TJP1: variants seen among roughly 807,000 people sequenced by gnomAD.
TJP1 encodes tight junction protein ZO-1.
In TJP1, 43 loss-of-function variants were observed where a neutral mutation model predicts 194.2. That is an observed-to-expected ratio of 0.22 (90% CI 0.17 to 0.29). The LOEUF (loss-of-function observed/expected upper bound fraction) is 0.29, where lower values mean the gene tolerates loss of function less well. Ranked by LOEUF, TJP1 falls within the 10% of genes least tolerant of loss-of-function variation. The pLI, the probability that TJP1 is intolerant of heterozygous loss-of-function variation, is 1.00. For missense variants in TJP1, 1,971 were observed against 2,185.7 expected (o/e 0.90, Z 1.96); for synonymous variants, 801 against 779.0 (o/e 1.03, Z -0.47).
At chr15:29,869,423 A>G (rs2152115317) in intron 2 of TJP1, among the ~76,000 whole-genome samples, 1 of 152,316 alleles carries the variant, frequency 6.6e-6, no homozygotes, top group East Asian at 1.9e-4. Flanking sequence ...TGTGTGTTAG[A>G]CGTGACATCT....
upstream of TJP1, among the ~76,000 whole-genome samples, chr15:29,826,052 A>G (rs530178573): frequency 6.6e-6 from 1 of 152,312 alleles, no homozygotes; most frequent in South Asian, 2.1e-4. Context: ...CTGTATATGT[A>G]AAGATAATTA....
intron 1 of TJP1, among the ~76,000 whole-genome samples, chr15:29,965,904 A>G (rs2152326933): frequency 6.6e-6 from 1 of 152,302 alleles, no homozygotes; most frequent in East Asian, 1.9e-4. Flanking sequence ...TTAAGAAATG[A>G]TTATCTAAGA....
intron 5 of TJP1, among the ~76,000 whole-genome samples, chr15:29,764,740 G>T (rs751028528): frequency 2.6e-5 from 4 of 152,150 alleles, no homozygotes; most frequent in Non-Finnish European, 5.9e-5. Flanking sequence ...GAAATACAAA[G>T]AAAAATTTTA....
At chr15:29,872,529 T>A (rs1403145711) in intron 2 of TJP1, among the ~76,000 whole-genome samples, 1 of 152,182 alleles carries the variant, frequency 6.6e-6, no homozygotes, top group Non-Finnish European at 1.5e-5. Context: ...ACATAACCTC[T>A]TTGAGACTTG....
At chr15:29,858,177 G>T (rs894502576) in intron 2 of TJP1, among the ~76,000 whole-genome samples, 1 of 152,248 alleles carries the variant, frequency 6.6e-6, no homozygotes, top group Non-Finnish European at 1.5e-5. Flanking sequence ...AAGGTGGATG[G>T]ATTCCTTGAG....
chr15:29,948,879 T>C (rs1425188836), intron 2 of TJP1, among the ~76,000 whole-genome samples: 1 of 151,756 alleles, frequency 6.6e-6, no homozygotes, highest in East Asian at 1.9e-4. Context: ...AGAAGAAGGC[T>C]CAATCACTCT....
chr15:29,720,645 G>A lies in TJP1; in HGVS notation c.2476C>T (p.Pro826Ser). The A allele has an allele frequency of 6.2e-7, 1 of 1,614,006 alleles. No homozygotes were observed. The highest frequency in any genetic ancestry group is 8.5e-7 in the Non-Finnish European group (1 of 1,179,954). ...HDDRLSYLSA[P>S]GSEYSMYSTD... Reference sequence around the variant, plus strand: ...CTATACATTGAGTATTCACTACCTGGAGCTGACAGGTAGGACAGACGATCA... The same window carrying A: ...CTATACATTGAGTATTCACTACCTGAAGCTGACAGGTAGGACAGACGATCA... Residue 826 changes from proline to serine, a missense_variant, in exon 19 of 28, where the codon CCA (proline) becomes TCA (serine). By Grantham distance (74) the Pro-to-Ser change is moderately conservative. Around this residue, in one of 5 missense-constraint regions of TJP1, gnomAD observed 402 missense variants for 484.2 expected, o/e 0.83. Coordinates refer to ENST00000614355, the MANE Select transcript of TJP1 (RefSeq NM_001330239.4).
chr15:29,730,801 C>A (rs1267734207), intron 15 of TJP1: 25 of 803,580 alleles, frequency 3.1e-5, no homozygotes, highest in Non-Finnish European at 4.9e-5. Context: ...AGGTTGTCTG[C>A]TAAACCTGCT....
chr15:29,812,404 T>G (rs1395719404), intron 1 of TJP1, among the ~76,000 whole-genome samples: 1 of 152,138 alleles, frequency 6.6e-6, no homozygotes, highest in Non-Finnish European at 1.5e-5. Context: ...TACATGAAAA[T>G]CCGGATTTGC....
Position 29,701,284 on chromosome 15 carries a change from G to A in TJP1, c.*311C>T. 3.7e-6 allele frequency: 1 copy of A among 266,690 alleles called. No homozygotes were observed. Among genetic ancestry groups the A allele is most frequent in the Non-Finnish European group, 7.2e-6 (1 of 139,390 alleles). 16.5% of individuals were successfully genotyped at this position (266,690 alleles called of 1,614,324 possible). A position where few individuals can be genotyped will look rare whatever the true frequency, so the allele number is the denominator to read the frequency against. ...TCAAATGCACCCCCATTTACTGGCT[G>A]GTATTTTAACGGAAATCAATATGTG... On this transcript the variant is annotated 3_prime_UTR_variant, in exon 28 of 28. Coordinates refer to ENST00000614355, the MANE Select transcript of TJP1 (RefSeq NM_001330239.4).
upstream of TJP1, chr15:29,823,012 G>T (rs2050525897): frequency 6.6e-6 from 1 of 152,316 alleles, no homozygotes; most frequent in South Asian, 2.1e-4. Context: ...CACCGGCGCC[G>T]ACTGCCAAGG....
chr15:29,858,428 G>A (rs2051944946), intron 2 of TJP1, among the ~76,000 whole-genome samples: 1 of 152,026 alleles, frequency 6.6e-6, no homozygotes, highest in Non-Finnish European at 1.5e-5. Context: ...ATATGGAAAC[G>A]CTGCAGGTAT....
chr15:29,877,637 C>A (rs1054181567), intron 2 of TJP1, among the ~76,000 whole-genome samples: 3 of 147,864 alleles, frequency 2.0e-5, no homozygotes, highest in Non-Finnish European at 4.5e-5. Flanking sequence ...CTTCTTTCTT[C>A]TTCTCTTTCT....
chr15:29,743,447 C>G (rs1195588352), intron 8 of TJP1, among the ~76,000 whole-genome samples: 1 of 152,120 alleles, frequency 6.6e-6, no homozygotes, highest in Non-Finnish European at 1.5e-5. Flanking sequence ...AAAGAAAAGA[C>G]AGGCATGATG....
intron 2 of TJP1, among the ~76,000 whole-genome samples, chr15:29,785,782 C>T (rs1356907951): frequency 6.6e-6 from 1 of 152,134 alleles, no homozygotes; most frequent in Non-Finnish European, 1.5e-5. Flanking sequence ...CATTTGTTTT[C>T]ACAGTGGCCA....
intron 2 of TJP1, among the ~76,000 whole-genome samples, chr15:29,885,693 G>A (rs2053093530): frequency 6.6e-6 from 1 of 152,142 alleles, no homozygotes. Context: ...CCTTTTATTT[G>A]GGCATCTAAG....
intron 8 of TJP1, among the ~76,000 whole-genome samples, chr15:29,758,437 A>G (rs1057016913): frequency 3.3e-5 from 5 of 152,178 alleles, no homozygotes; most frequent in East Asian, 1.9e-4. Context: ...TTTAGGGGGG[A>G]AAAACCCTCC....
intron 18 of TJP1, among the ~76,000 whole-genome samples, chr15:29,726,170 T>A (rs2043225028): frequency 6.6e-6 from 1 of 152,190 alleles, no homozygotes; most frequent in Non-Finnish European, 1.5e-5. Flanking sequence ...GCAGTGGTAA[T>A]TCAACAGGTG....
At chr15:29,936,077 CA>C (rs964601882) in intron 2 of TJP1, among the ~76,000 whole-genome samples, 1 of 152,080 alleles carries the variant, frequency 6.6e-6, no homozygotes, top group South Asian at 2.1e-4. Context: ...AACTACCTCC[CA>C]ACCCCAAACT....
Sources: allele counts gnomAD v4.1 joint callset (sites outside exome capture counted in the v4.1 genomes callset), GRCh38; gene constraint gnomAD v4.1.1; regional missense constraint gnomAD v4.1.1; transcripts MANE v1.5; gene names NCBI Gene and HGNC (gene_info 2026-07-23, HGNC 2026-07-21).